Variants in DOCK1 observed in about 807,000 individuals in gnomAD.
DOCK1 encodes the protein dedicator of cytokinesis 1.
In DOCK1, 138 loss-of-function variants were observed where a neutral mutation model predicts 262.7. That is an observed-to-expected ratio of 0.53 (90% CI 0.46 to 0.61). The LOEUF is 0.61. DOCK1 is among the 20% of genes least tolerant of loss of function. The pLI is 0.00. For synonymous variants in DOCK1, 866 were observed against 867.4 expected, an observed-to-expected ratio of 1.00 and a Z score of 0.03; for missense variants, 1,908 against 2,370.7, an observed-to-expected ratio of 0.80 and a Z score of 4.05.
intron 29 of DOCK1, among the ~76,000 whole-genome samples, chr10:127,310,699 G>A (rs2062033352): frequency 6.6e-6 from 1 of 152,216 alleles, no homozygotes; most frequent in Non-Finnish European, 1.5e-5. Context: ...AGTGGCCACA[G>A]AGCAGGCAAC....
intron 47 of DOCK1, among the ~76,000 whole-genome samples, chr10:127,430,004 C>T (rs1573822): frequency 0.13 from 19,863 of 152,260 alleles, 1,537 homozygotes; most frequent in Middle Eastern, 0.21. Flanking sequence ...TCCCATCCAC[C>T]TCATCACTCC....
chr10:126,993,243 C>T (rs112669561), intron 6 of DOCK1, among the ~76,000 whole-genome samples: 8 of 152,234 alleles, frequency 5.3e-5, no homozygotes, highest in African/African-American at 1.2e-4. Flanking sequence ...CCCAATTCTG[C>T]GTGGCCTGTA....
intron 29 of DOCK1, among the ~76,000 whole-genome samples, chr10:127,287,645 G>A (rs2061206477): frequency 6.6e-6 from 1 of 152,264 alleles, no homozygotes; most frequent in Non-Finnish European, 1.5e-5. Context: ...TACAGACTCA[G>A]TGAGATTCAG....
In DOCK1 at chr10:126,912,899, G is replaced by C. The variant is rs558983658; in HGVS notation, c.46+7336G>C. Among the ~76,000 whole-genome samples the C allele has an allele frequency of 6.9e-4, 105 of 152,218 alleles. No individual in the cohort carries two copies. The Middle Eastern group carries it at 0.014, about 20-fold the overall frequency. ...GTTAGAACACTGACATATGGATTTG[G>C]AGGGACACAGTGTAGCCCATAACAG... On this transcript the variant is annotated intron_variant, in intron 1 of 51. Coordinates refer to ENST00000623213, the MANE Select transcript of DOCK1 (RefSeq NM_001290223.2).
intron 27 of DOCK1, among the ~76,000 whole-genome samples, chr10:127,207,703 A>T (rs1474222060): frequency 6.6e-6 from 1 of 152,212 alleles, no homozygotes; most frequent in East Asian, 1.9e-4. Flanking sequence ...AGGCCATAAC[A>T]TCGTAACATT....
intron 43 of DOCK1, among the ~76,000 whole-genome samples, chr10:127,413,001 C>T (rs2067949044): frequency 6.6e-6 from 1 of 152,220 alleles, no homozygotes; most frequent in Non-Finnish European, 1.5e-5. Context: ...AACCTAGGCA[C>T]GTCCAACCTG....
At chr10:127,025,330 C>A (rs1189751312) in intron 15 of DOCK1, 3 of 152,204 alleles carry the variant, frequency 2.0e-5, no homozygotes, top group Non-Finnish European at 4.4e-5. Flanking sequence ...TGTATTAGGT[C>A]TTTTTTCTTT....
At chr10:127,117,453 A>G (rs1564815462) in intron 25 of DOCK1, among the ~76,000 whole-genome samples, 1 of 152,258 alleles carries the variant, frequency 6.6e-6, no homozygotes, top group African/African-American at 2.4e-5. Flanking sequence ...CAAATGCCAT[A>G]TGGAGCAAGA....
intron 38 of DOCK1, among the ~76,000 whole-genome samples, chr10:127,396,470 C>T (rs1009905757): frequency 1.3e-5 from 2 of 152,210 alleles, no homozygotes; most frequent in African/African-American, 4.8e-5. Context: ...ACTCCCCTGT[C>T]CAGCCACTGC....
At position 127,175,542 on chromosome 10, in the gene DOCK1, T is replaced by A. The variant is rs751794894; in HGVS notation, c.2847+47778T>A. 1.2e-6 allele frequency: 2 copies of A among 1,610,980 alleles called. No individual in the cohort carries two copies. Among genetic ancestry groups the A allele is most frequent in the African/African-American group, 2.7e-5 (2 of 74,928 alleles). On this transcript the variant is annotated intron_variant, in intron 27 of 51. Transcript: ENST00000623213. The surrounding 1 kb of genome is among the most constrained non-coding windows in gnomAD (Gnocchi z 6.3). Reference sequence around the variant, plus strand: ...ATGTGTGGCTCTCCTCCGCTCGTCATCTGCCGGGCAGAGTGACCACTGGCT... The same window carrying A: ...ATGTGTGGCTCTCCTCCGCTCGTCAACTGCCGGGCAGAGTGACCACTGGCT...
chr10:126,969,400 A>T (rs1455861342), intron 1 of DOCK1, among the ~76,000 whole-genome samples: 2 of 152,200 alleles, frequency 1.3e-5, no homozygotes, highest in Non-Finnish European at 2.9e-5. Context: ...GCTCAGGTTT[A>T]TGGAGGCCAT....
intron 1 of DOCK1, among the ~76,000 whole-genome samples, chr10:126,916,902 C>T (rs971561418): frequency 2.0e-5 from 3 of 150,350 alleles, no homozygotes; most frequent in African/African-American, 2.5e-5. Context: ...TGCAGAGAGA[C>T]AGGTGGGAGC....
chr10:127,090,974 G>A (rs192282857), intron 23 of DOCK1, among the ~76,000 whole-genome samples: 12 of 146,890 alleles, frequency 8.2e-5, no homozygotes, highest in African/African-American at 3.1e-4. Flanking sequence ...CTGTTTGAAC[G>A]TCTATTTGGT....
chr10:127,392,810 G>A (rs1162259633), intron 38 of DOCK1, among the ~76,000 whole-genome samples: 1 of 152,158 alleles, frequency 6.6e-6, no homozygotes, highest in African/African-American at 2.4e-5. Flanking sequence ...TCACAGTTGG[G>A]TTTTGTCAGT....
chr10:126,949,257 C>T (rs1422697977), intron 1 of DOCK1, among the ~76,000 whole-genome samples: 1 of 152,136 alleles, frequency 6.6e-6, no homozygotes, highest in African/African-American at 2.4e-5. Flanking sequence ...CTGCAGCCCT[C>T]TCCCTGTGGG....
chr10:127,153,327 A>C (rs574711930), intron 27 of DOCK1, among the ~76,000 whole-genome samples: 1 of 152,344 alleles, frequency 6.6e-6, no homozygotes, highest in African/African-American at 2.4e-5. Flanking sequence ...TCATATAAAC[A>C]AACTTCAAAT....
Position 127,310,952 on chromosome 10 carries a change from G to A in DOCK1, c.3045-28054G>A, listed in dbSNP as rs74158656. ...AGTGTGATGCAGGCAGGCTTGTATCGTTCTTAAGTTCAAGAACCCAAACTT... is the reference window on the plus strand; with the variant it reads ...AGTGTGATGCAGGCAGGCTTGTATCATTCTTAAGTTCAAGAACCCAAACTT... On this transcript the variant is annotated intron_variant, in intron 29 of 51. Transcript: ENST00000623213. 2.9e-3 allele frequency among the ~76,000 whole-genome samples: 449 copies of A among 152,252 alleles called. 3 individuals carry two copies. Among genetic ancestry groups the A allele is most frequent in the African/African-American group, 0.01 (435 of 41,540 alleles).
At chr10:127,246,801 CATTT>C (rs1290348093) in intron 27 of DOCK1, among the ~76,000 whole-genome samples, 3 of 152,032 alleles carry the variant, frequency 2.0e-5, no homozygotes, top group African/African-American at 4.8e-5. Context: ...ATATAAAAGA[CATTT>C]AGGCATTCTG....
At chr10:127,237,097 G>A (rs756558128) in intron 27 of DOCK1, among the ~76,000 whole-genome samples, 4 of 152,078 alleles carry the variant, frequency 2.6e-5, no homozygotes, top group African/African-American at 7.2e-5. Flanking sequence ...GGTGACTCTC[G>A]CCTGTAATCC....
Sources: gnomAD v4.1 joint callset for allele counts (sites outside exome capture counted in the v4.1 genomes callset) on GRCh38, gnomAD v4.1.1 for gene constraint, Gnocchi (gnomAD v3.1) non-coding constraint, MANE v1.5 for transcripts, NCBI Gene and HGNC (gene_info 2026-07-23, HGNC 2026-07-21) for gene names.